The following NAALADL2 variants were observed in gnomAD, a reference collection of about 807,000 sequenced individuals.
The protein encoded by NAALADL2 is inactive N-acetylated-alpha-linked acidic dipeptidase-like protein 2.
Under a neutral mutation model 87.2 loss-of-function variants are expected in NAALADL2, and 76 were observed. The ratio of observed to expected loss-of-function variants is 0.87; its 90% confidence interval spans 0.72 to 1.05. The LOEUF (loss-of-function observed/expected upper bound fraction) is 1.05, where lower values mean the gene tolerates loss of function less well. Among genes scored for constraint, NAALADL2 ranks in the 50% least tolerant of loss-of-function variants. NAALADL2 has a pLI of 0.00. For missense variants in NAALADL2, 1,089 were observed against 945.8 expected, an observed-to-expected ratio of 1.15 and a Z score of -1.99; for synonymous variants, 354 against 331.0, an observed-to-expected ratio of 1.07 and a Z score of -0.75.
At chr3:175,539,163 G>T (rs1017579066) in intron 9 of NAALADL2, among the ~76,000 whole-genome samples, 1 of 152,116 alleles carries the variant, frequency 6.6e-6, no homozygotes, top group Non-Finnish European at 1.5e-5. Flanking sequence ...GTCTTGAGTC[G>T]CAGCAGTTAG....
intron 1 of NAALADL2, among the ~76,000 whole-genome samples, chr3:175,024,089 A>G (rs1455779539): frequency 6.6e-6 from 1 of 152,078 alleles, no homozygotes; most frequent in Non-Finnish European, 1.5e-5. Flanking sequence ...CTCCTAAAAA[A>G]AAGGATAATG....
At chr3:175,114,558 C>T (rs1463982620) in intron 2 of NAALADL2, among the ~76,000 whole-genome samples, 2 of 151,564 alleles carry the variant, frequency 1.3e-5, no homozygotes, top group Admixed American at 1.3e-4. Flanking sequence ...TTACTTAGAG[C>T]ACTGCAAAAC....
At chr3:174,678,123 A>G (rs1727213158) in intron 2 of NAALADL2, among the ~76,000 whole-genome samples, 1 of 152,170 alleles carries the variant, frequency 6.6e-6, no homozygotes, top group South Asian at 2.1e-4. Context: ...AGGACAGGCC[A>G]TGAATAATGA....
chr3:175,239,301 T>C (rs1746430979), intron 3 of NAALADL2, among the ~76,000 whole-genome samples: 1 of 152,218 alleles, frequency 6.6e-6, no homozygotes, highest in Non-Finnish European at 1.5e-5. Flanking sequence ...AACAGTGATT[T>C]GTATTTTTCT....
At chr3:175,032,813 A>G (rs1752954909) in intron 1 of NAALADL2, among the ~76,000 whole-genome samples, 1 of 152,052 alleles carries the variant, frequency 6.6e-6, no homozygotes, top group Admixed American at 6.6e-5. Context: ...TTGTGTCATC[A>G]AGTTACTTAG....
At chr3:174,868,027 G>A (rs956426081) in intron 1 of NAALADL2, among the ~76,000 whole-genome samples, 1 of 151,758 alleles carries the variant, frequency 6.6e-6, no homozygotes, top group East Asian at 1.9e-4. Context: ...AAGAGTCAAA[G>A]GGTTGGTTCT....
chr3:175,044,824 T>A (rs1754481017), intron 1 of NAALADL2, among the ~76,000 whole-genome samples: 1 of 152,138 alleles, frequency 6.6e-6, no homozygotes, highest in South Asian at 2.1e-4. Context: ...TACTCAGTTG[T>A]TACTGCTTCT....
At chr3:174,455,927 C>T (rs1291644120) in intron 1 of NAALADL2, among the ~76,000 whole-genome samples, 1 of 151,864 alleles carries the variant, frequency 6.6e-6, no homozygotes, top group East Asian at 1.9e-4. Context: ...CAAACTATTC[C>T]TGTGTGCAGA....
At chr3:174,460,297 T>C (rs1716132421) in intron 1 of NAALADL2, among the ~76,000 whole-genome samples, 1 of 152,040 alleles carries the variant, frequency 6.6e-6, no homozygotes. Context: ...ATGGGAAAAA[T>C]TGAAGCATTT....
At chr3:175,724,869 T>G (rs934752342) in intron 11 of NAALADL2, among the ~76,000 whole-genome samples, 16 of 152,060 alleles carry the variant, frequency 1.1e-4, no homozygotes, top group African/African-American at 3.4e-4. Flanking sequence ...AAACAGAGGT[T>G]TATTTTTGGT....
intron 11 of NAALADL2, among the ~76,000 whole-genome samples, chr3:175,635,480 A>T (rs1459451917): frequency 6.6e-6 from 1 of 152,164 alleles, no homozygotes; most frequent in Non-Finnish European, 1.5e-5. Flanking sequence ...ATCTAAATAT[A>T]TTACATGCAT....
rs1729523433 is a variant in NAALADL2 at position 174,882,769 on chromosome 3, GTGTATATATACATATGTGTA to G, written c.43+23321_43+23340del. On this transcript the variant is annotated intron_variant, in intron 1 of 13. Coordinates refer to ENST00000454872, the MANE Select transcript of NAALADL2 (RefSeq NM_207015.3). ...TATACACACGTGTATATATACACACGTGTATATATACATATGTGTATATATACACGTGTGTATATGTGCAT... is the reference window on the plus strand; with the variant it reads ...TATACACACGTGTATATATACACACGTATATACACGTGTGTATATGTGCAT... 1.6e-4 allele frequency among the ~76,000 whole-genome samples: 23 copies of G among 141,854 alleles called. No individual in the cohort carries two copies. In the Admixed American group the frequency reaches 1.6e-3, roughly 10 times the overall value. The allele number at this position is 141,854 out of a possible 152,430, so 93.1% of individuals were successfully genotyped here.
At chr3:174,772,400 C>T (rs1714679014) in intron 3 of NAALADL2, among the ~76,000 whole-genome samples, 1 of 151,974 alleles carries the variant, frequency 6.6e-6, no homozygotes, top group African/African-American at 2.4e-5. Context: ...AATTGGTGTG[C>T]AGATTTCAAA....
At position 175,373,403 on chromosome 3, in the gene NAALADL2, A is replaced by G. The variant is rs374854859; in HGVS notation, c.1090+49078A>G. Among the ~76,000 whole-genome samples, 28 of 152,290 alleles carry G rather than the reference A, an allele frequency of 1.8e-4. No individual in the cohort carries two copies. In the East Asian group the frequency reaches 5.2e-3, roughly 28 times the overall value. On this transcript the variant is annotated intron_variant, in intron 5 of 13. Transcript: ENST00000454872. Reference sequence around the variant, plus strand: ...TTGTCTATTCTAGAACTTCTTATCTATGGACATATGTAGTAATATGTCCTG... The same window carrying G: ...TTGTCTATTCTAGAACTTCTTATCTGTGGACATATGTAGTAATATGTCCTG...
At chr3:174,770,709 G>A (rs1253769795) in intron 3 of NAALADL2, among the ~76,000 whole-genome samples, 2 of 151,920 alleles carry the variant, frequency 1.3e-5, no homozygotes, top group Non-Finnish European at 2.9e-5. Context: ...GCTTGGTGGT[G>A]GGCACCTGCA....
intron 13 of NAALADL2, among the ~76,000 whole-genome samples, chr3:175,756,993 A>G (rs2150137563): frequency 6.6e-6 from 1 of 151,206 alleles, no homozygotes; most frequent in East Asian, 1.9e-4. Context: ...TTGTGTATAT[A>G]TATTTTTTAT....
intron 6 of NAALADL2, among the ~76,000 whole-genome samples, chr3:175,456,281 T>G (rs1333498570): frequency 6.6e-6 from 1 of 152,056 alleles, no homozygotes; most frequent in Non-Finnish European, 1.5e-5. Context: ...AGGCAGCTAT[T>G]TCATGTCTCT....
rs114743699 is a variant in NAALADL2 at position 174,777,393 on chromosome 3, G to T, written c.-9+39647G>T. Among the ~76,000 whole-genome samples the T allele has an allele frequency of 3.0e-3, 449 of 152,094 alleles. 2 individuals carry two copies. Among genetic ancestry groups the T allele is most frequent in the African/African-American group, 0.01 (429 of 41,522 alleles). Reference sequence around the variant, plus strand: ...AGACCCTAAAATGATTTAAAAGTTTGAAAATATTTTAAAAATGTATTTCTA... The same window carrying T: ...AGACCCTAAAATGATTTAAAAGTTTTAAAATATTTTAAAAATGTATTTCTA... On this transcript the variant is annotated intron_variant, in intron 3 of 3. Coordinates refer to the NAALADL2 transcript ENST00000434257.
intron 11 of NAALADL2, among the ~76,000 whole-genome samples, chr3:175,734,243 C>G (rs576039931): frequency 6.6e-6 from 1 of 152,264 alleles, no homozygotes; most frequent in South Asian, 2.1e-4. Context: ...CAGGCGTTTC[C>G]ATACACCTTA....
Sources: allele counts gnomAD v4.1 joint callset (sites outside exome capture counted in the v4.1 genomes callset), GRCh38; gene constraint gnomAD v4.1.1; transcripts MANE v1.5; gene names NCBI Gene and HGNC (gene_info 2026-07-23, HGNC 2026-07-21).